Variants in ZNF804B observed in about 807,000 individuals in gnomAD.
ZNF804B encodes the protein zinc finger protein 804B, also known as zinc finger 804B.
Under a neutral mutation model 101.4 loss-of-function variants are expected in ZNF804B, and 80 were observed. The observed-to-expected ratio is 0.79, with a 90% CI of 0.66 to 0.95. ZNF804B has a LOEUF of 0.95. ZNF804B is among the 40% of genes least tolerant of loss of function. The probability of loss-of-function intolerance (pLI) is 0.00; values close to 1 mark genes in which losing one functional copy is unlikely to be tolerated. For missense variants in ZNF804B, 1,673 were observed against 1,561.9 expected (o/e 1.07, Z -1.20); for synonymous variants, 622 against 558.8 (o/e 1.11, Z -1.59).
chr7:88,916,863 T>G (rs1304098281), intron 1 of ZNF804B, among the ~76,000 whole-genome samples: 1 of 152,216 alleles, frequency 6.6e-6, no homozygotes, highest in Non-Finnish European at 1.5e-5. Context: ...ATATATGTAC[T>G]TAAGAGTGTT....
intron 1 of ZNF804B, among the ~76,000 whole-genome samples, chr7:89,209,468 G>A (rs1788770542): frequency 6.6e-6 from 1 of 152,190 alleles, no homozygotes; most frequent in Middle Eastern, 3.2e-3. Flanking sequence ...ATGGTAAAAT[G>A]GGAACAGCAT....
At chr7:88,915,681 G>C (rs907022362) in intron 1 of ZNF804B, among the ~76,000 whole-genome samples, 24 of 151,964 alleles carry the variant, frequency 1.6e-4, no homozygotes, top group African/African-American at 5.8e-4. Flanking sequence ...TTAGCCACAT[G>C]ATCCTGAAAA....
intron 1 of ZNF804B, among the ~76,000 whole-genome samples, chr7:88,845,695 A>G (rs1480114371): frequency 2.0e-5 from 3 of 152,058 alleles, no homozygotes; most frequent in South Asian, 2.1e-4. Flanking sequence ...TTATCCTTCA[A>G]AAGCAGAATA....
chr7:89,052,590 C>T (rs558899315), intron 1 of ZNF804B, among the ~76,000 whole-genome samples: 26 of 152,182 alleles, frequency 1.7e-4, no homozygotes, highest in African/African-American at 6.3e-4. Context: ...TTTCACCAAA[C>T]TAGCAACTTC....
intron 1 of ZNF804B, among the ~76,000 whole-genome samples, chr7:89,016,612 T>A (rs539787387): frequency 1.3e-5 from 2 of 149,982 alleles, no homozygotes; most frequent in African/African-American, 5.0e-5. Context: ...CCCCATTGCT[T>A]GTTTTTCTCA....
intron 2 of ZNF804B, among the ~76,000 whole-genome samples, chr7:89,270,311 A>G (rs1789871750): frequency 6.6e-6 from 1 of 152,240 alleles, no homozygotes; most frequent in South Asian, 2.1e-4. Context: ...AGCACCATTT[A>G]TTAAATAGGG....
intron 1 of ZNF804B, among the ~76,000 whole-genome samples, chr7:88,887,318 T>G (rs1792144040): frequency 6.7e-6 from 1 of 149,910 alleles, no homozygotes; most frequent in Non-Finnish European, 1.5e-5. Context: ...AAGTTCCATA[T>G]AGATGCTGGA....
intron 1 of ZNF804B, among the ~76,000 whole-genome samples, chr7:88,956,592 C>T (rs1343836618): frequency 6.6e-6 from 1 of 151,092 alleles, no homozygotes; most frequent in African/African-American, 2.4e-5. Flanking sequence ...GCCATCTAAA[C>T]TTTTAATTTT....
intron 2 of ZNF804B, among the ~76,000 whole-genome samples, chr7:89,304,782 C>T (rs977183253): frequency 2.6e-5 from 4 of 151,926 alleles, no homozygotes; most frequent in Non-Finnish European, 5.9e-5. Context: ...GACCTCCCAT[C>T]TAAGTCCAAG....
chr7:89,098,703 CTG>C (rs1790007058), intron 1 of ZNF804B, among the ~76,000 whole-genome samples: 2 of 152,158 alleles, frequency 1.3e-5, no homozygotes, highest in South Asian at 2.1e-4. Flanking sequence ...ACTTTAAACT[CTG>C]TGCTGCTCCT....
chr7:89,200,525 A>G (rs1788617092), intron 1 of ZNF804B, among the ~76,000 whole-genome samples: 1 of 152,050 alleles, frequency 6.6e-6, no homozygotes, highest in Non-Finnish European at 1.5e-5. Flanking sequence ...GATCAGACCC[A>G]GAGAATGTCA....
At chr7:89,305,033 G>T (rs1016818124) in intron 2 of ZNF804B, among the ~76,000 whole-genome samples, 4 of 151,954 alleles carry the variant, frequency 2.6e-5, no homozygotes, top group African/African-American at 9.7e-5. Flanking sequence ...TCTAAAGTGG[G>T]CTGGCTGCCT....
chr7:88,881,262 G>C (rs1225323848), intron 1 of ZNF804B, among the ~76,000 whole-genome samples: 1 of 151,848 alleles, frequency 6.6e-6, no homozygotes, highest in Non-Finnish European at 1.5e-5. Context: ...ATATTTTTTG[G>C]ACAATTGAAA....
rs531732336 is a variant in ZNF804B, at chr7:89,260,963, A to G, written c.249+42668A>G. On this transcript the variant is annotated intron_variant, in intron 2 of 3. Coordinates refer to ENST00000333190, the MANE Select transcript of ZNF804B (RefSeq NM_181646.5). ...TATGGCATTTGCACTAAGCACAATA[A>G]AAATATGAGAAAACCATGATAGTTT... Among the ~76,000 whole-genome samples, 569 of 152,318 alleles carry G rather than the reference A, an allele frequency of 3.7e-3. 3 individuals are homozygous for G. The highest frequency in any genetic ancestry group is 0.013 in the African/African-American group (533 of 41,564).
Position 89,336,375 on chromosome 7 carries a change from A to T in ZNF804B, c.3393A>T (p.Gly1131=), listed in dbSNP as rs573647718. The change falls in exon 4 of 4, where the codon GGA becomes GGT. Residue 1131 remains glycine (G), a synonymous_variant. Coordinates refer to ENST00000333190, the MANE Select transcript of ZNF804B (RefSeq NM_181646.5). ...AGAAACCTGACAAAGTCGAAGACGG[A>T]TTAGAAATGTGTCATAAATCTATCT... ...TMQKPDKVED[G]LEMCHKSISP... 2.9e-4 allele frequency: 462 copies of T among 1,614,082 alleles called. 2 individuals are homozygous for T. In the South Asian group the frequency reaches 4.9e-3, roughly 17 times the overall value.
chr7:89,062,992 T>C (rs899293891), intron 1 of ZNF804B, among the ~76,000 whole-genome samples: 14 of 152,154 alleles, frequency 9.2e-5, no homozygotes, highest in South Asian at 2.1e-4. Context: ...TAGGTGTACC[T>C]TCTAAGATAC....
At chr7:88,870,000 T>A (rs952736462) in intron 1 of ZNF804B, among the ~76,000 whole-genome samples, 4 of 152,144 alleles carry the variant, frequency 2.6e-5, no homozygotes, top group African/African-American at 9.7e-5. Flanking sequence ...ATAAAATAGT[T>A]GGAAGTACTG....
intron 1 of ZNF804B, among the ~76,000 whole-genome samples, chr7:88,869,995 AT>A (rs1194420089): frequency 6.6e-6 from 1 of 152,180 alleles, no homozygotes; most frequent in Non-Finnish European, 1.5e-5. Context: ...CAATTATAAA[AT>A]AGTTGGAAGT....
intron 2 of ZNF804B, among the ~76,000 whole-genome samples, chr7:89,318,655 T>C (rs1398556711): frequency 2.6e-5 from 4 of 152,116 alleles, no homozygotes; most frequent in Non-Finnish European, 5.9e-5. Context: ...CCCAGCTACC[T>C]GGGAGACTGA....
Sources: allele counts gnomAD v4.1 joint callset (sites outside exome capture counted in the v4.1 genomes callset), GRCh38; gene constraint gnomAD v4.1.1; transcripts MANE v1.5; gene names NCBI Gene and HGNC (gene_info 2026-07-23, HGNC 2026-07-21).